ZNF407: variants seen among roughly 807,000 people sequenced by gnomAD.
ZNF407 encodes zinc finger protein 407.
ZNF407 carries 17 observed loss-of-function variants against 131.2 expected under a neutral mutation model. The ratio of observed to expected loss-of-function variants is 0.13; its 90% CI spans 0.09 to 0.19. ZNF407 has a LOEUF of 0.19. Among genes scored for constraint, ZNF407 ranks in the 10% least tolerant of loss-of-function variants. The pLI, the probability that ZNF407 is intolerant of heterozygous loss-of-function variation, is 1.00. For missense variants in ZNF407, 2,681 were observed against 2,830.6 expected, an observed-to-expected ratio of 0.95 and a Z score of 1.20; for synonymous variants, 1,156 against 1,062.0, an observed-to-expected ratio of 1.09 and a Z score of -1.72.
At chr18:74,652,734 G>A (rs1013257644) in intron 3 of ZNF407, among the ~76,000 whole-genome samples, 6 of 147,176 alleles carry the variant, frequency 4.1e-5, no homozygotes, top group African/African-American at 1.6e-4. Flanking sequence ...TCAAAACAAA[G>A]AACTATTGGC....
chr18:74,720,927 C>CTTTTTTTTTTT (rs34746909), intron 3 of ZNF407, among the ~76,000 whole-genome samples: 2 of 143,634 alleles, frequency 1.4e-5, no homozygotes, highest in Non-Finnish European at 3.0e-5. Context: ...ATACCTTCAG[C>CTTTTTTTTTTT]TTTTTTTTTT....
At chr18:74,630,901 C>T in intron 1 of ZNF407, 66 bp from the exon 2 acceptor site, 1 of 1,226,264 alleles carries the variant, frequency 8.2e-7, no homozygotes, top group Non-Finnish European at 1.1e-6. Flanking sequence ...ACTTTTTCAT[C>T]TAGTTTTAGA....
At chr18:74,722,018 A>G (rs1968048889) in intron 3 of ZNF407, among the ~76,000 whole-genome samples, 2 of 149,622 alleles carry the variant, frequency 1.3e-5, no homozygotes, top group South Asian at 2.1e-4. Context: ...CTTGTATGTG[A>G]TGAAACTTTT....
chr18:75,038,395 G>A (rs1973334160), intron 8 of ZNF407, among the ~76,000 whole-genome samples: 1 of 152,168 alleles, frequency 6.6e-6, no homozygotes, highest in Admixed American at 6.5e-5. Flanking sequence ...TGGATTGACT[G>A]TCTTTAAAAC....
At chr18:74,606,036 C>T (rs191102512) in intron 1 of ZNF407, among the ~76,000 whole-genome samples, 221 of 152,316 alleles carry the variant, frequency 1.5e-3, no homozygotes, top group Admixed American at 2.6e-3. Context: ...CATGGTTTCA[C>T]GCCAAAGCGC....
intron 8 of ZNF407, among the ~76,000 whole-genome samples, chr18:74,958,659 A>G (rs1033833603): frequency 3.9e-5 from 6 of 152,240 alleles, no homozygotes; most frequent in Non-Finnish European, 7.3e-5. Flanking sequence ...GCTCTCAGAC[A>G]TGAGCAAGCT....
intron 3 of ZNF407, among the ~76,000 whole-genome samples, chr18:74,655,622 G>C (rs548918586): frequency 2.0e-5 from 3 of 152,124 alleles, no homozygotes; most frequent in Non-Finnish European, 4.4e-5. Context: ...CAAAAAATTG[G>C]AAAGGGGCTA....
Position 74,635,074 on chromosome 18 carries a change from G to C in ZNF407, c.4055G>C (p.Ser1352Thr). 1.2e-6 allele frequency: 2 copies of C among 1,613,952 alleles called. No homozygotes were observed. The highest frequency in any genetic ancestry group is 2.7e-5 in the African/African-American group (2 of 75,036). The part of the protein sequence containing the change: ...SIDDKGQAMY[S>T]FGRFDSSIIR... The stretch of plus-strand genomic sequence containing the variant: ...GATGATAAAGGGCAGGCCATGTACA[G>C]TTTTGGTCGATTTGACTCCTCCATA... The change falls in exon 2 of 9, where the codon AGT becomes ACT. Residue 1352 changes from serine (S) to threonine (T), a missense_variant. Physicochemically the swap from Ser to Thr is moderately conservative, Grantham distance 58. This residue lies in a region of ZNF407 where 1,789 missense variants were observed against 1,748.7 expected (regional missense o/e 1.02). Transcript: ENST00000299687. This position sits in a 1 kb window ranked among gnomAD's most constrained non-coding sequence, Gnocchi z 4.7.
chr18:74,974,573 A>G (rs1972507756), intron 8 of ZNF407, among the ~76,000 whole-genome samples: 1 of 152,210 alleles, frequency 6.6e-6, no homozygotes, highest in Non-Finnish European at 1.5e-5. Flanking sequence ...TACAGAAGCT[A>G]TATTTATGCC....
intron 1 of ZNF407, among the ~76,000 whole-genome samples, chr18:74,606,143 T>A (rs922691345): frequency 2.0e-5 from 3 of 152,048 alleles, no homozygotes; most frequent in African/African-American, 7.3e-5. Context: ...ATGAGAGCAG[T>A]TTAAGGAAAC....
At chr18:75,025,787 A>G (rs1027896551) in intron 8 of ZNF407, among the ~76,000 whole-genome samples, 2 of 152,138 alleles carry the variant, frequency 1.3e-5, no homozygotes, top group African/African-American at 4.8e-5. Flanking sequence ...CAGCTTTTTC[A>G]CCCTTTGAAC....
intron 8 of ZNF407, among the ~76,000 whole-genome samples, chr18:74,936,401 A>G (rs1972040320): frequency 6.6e-6 from 1 of 152,256 alleles, no homozygotes; most frequent in Non-Finnish European, 1.5e-5. Context: ...TATAGACCCC[A>G]AATCTGACAT....
chr18:74,762,322 G>A (rs1030080652), intron 3 of ZNF407, among the ~76,000 whole-genome samples: 3 of 152,042 alleles, frequency 2.0e-5, no homozygotes, highest in African/African-American at 7.2e-5. Context: ...TTGTGTATGA[G>A]TGTATAATGC....
chr18:74,811,120 A>G (rs1970188131), intron 4 of ZNF407, among the ~76,000 whole-genome samples: 1 of 152,104 alleles, frequency 6.6e-6, no homozygotes, highest in African/African-American at 2.4e-5. Flanking sequence ...TTCGCAACCT[A>G]CTCATCTGAC....
intron 3 of ZNF407, among the ~76,000 whole-genome samples, chr18:74,745,244 T>G (rs1968641679): frequency 6.6e-6 from 1 of 152,124 alleles, no homozygotes; most frequent in African/African-American, 2.4e-5. Flanking sequence ...GTATGGATAT[T>G]TATGTATTTC....
chr18:74,791,426 T>C (rs1472183312), intron 4 of ZNF407, among the ~76,000 whole-genome samples: 1 of 152,228 alleles, frequency 6.6e-6, no homozygotes, highest in Non-Finnish European at 1.5e-5. Context: ...GTTTTGTGAA[T>C]AATGATTTCT....
At chr18:74,664,823 C>T (rs796118033) in intron 3 of ZNF407, among the ~76,000 whole-genome samples, 1 of 152,086 alleles carries the variant, frequency 6.6e-6, no homozygotes, top group South Asian at 2.1e-4. Flanking sequence ...TGCTCATTAG[C>T]ACCAGGCAGT....
At chr18:74,929,126 G>C (rs1271582046) in intron 8 of ZNF407, among the ~76,000 whole-genome samples, 1 of 152,118 alleles carries the variant, frequency 6.6e-6, no homozygotes, top group East Asian at 1.9e-4. Flanking sequence ...TGTCACTACA[G>C]GACCTTAAAG....
At chr18:74,765,210 A>C (rs182782989) in intron 3 of ZNF407, among the ~76,000 whole-genome samples, 1 of 152,258 alleles carries the variant, frequency 6.6e-6, no homozygotes, top group East Asian at 1.9e-4. Context: ...TTGTGTATTT[A>C]TAGTAATTGT....
Sources: allele counts gnomAD v4.1 joint callset (sites outside exome capture counted in the v4.1 genomes callset), GRCh38; gene constraint gnomAD v4.1.1; regional missense constraint gnomAD v4.1.1; non-coding constraint Gnocchi (gnomAD v3.1); transcripts MANE v1.5; gene names NCBI Gene and HGNC (gene_info 2026-07-23, HGNC 2026-07-21).